The following SLC9A7 variants were observed in gnomAD, a reference collection of about 807,000 sequenced individuals.
SLC9A7 encodes sodium/hydrogen exchanger 7.
SLC9A7 carries 19 observed loss-of-function variants against 52.6 expected under a neutral mutation model. The observed-to-expected ratio is 0.36, with a 90% confidence interval of 0.25 to 0.53. The LOEUF (loss-of-function observed/expected upper bound fraction) is 0.53. Ranked by LOEUF, SLC9A7 falls within the 20% of genes least tolerant of loss-of-function variation. The pLI is 0.91. For missense variants in SLC9A7, 455 were observed against 597.9 expected (o/e 0.76, Z 2.49); for synonymous variants, 226 against 252.1 (o/e 0.90, Z 0.98).
chrX:46,693,975 C>T (rs1944414966), intron 1 of SLC9A7, among the ~76,000 whole-genome samples: 1 of 109,863 alleles, frequency 9.1e-6, no homozygotes, highest in South Asian at 3.9e-4. Flanking sequence ...CATTTTCCCA[C>T]TTATAAGTGG....
In SLC9A7 at chrX:46,680,310, C is replaced by T. The variant is rs771957974; in HGVS notation, c.526-555G>A. 2.2e-4 allele frequency among the ~76,000 whole-genome samples: 23 copies of T among 105,755 alleles called. No homozygotes were observed. In the East Asian group the frequency reaches 6.4e-3, roughly 30 times the overall value. 91.8% of individuals were successfully genotyped at this position (105,755 alleles called of 115,157 possible). On this transcript the variant is annotated intron_variant, in intron 2 of 16. Coordinates refer to ENST00000616978, the MANE Select transcript of SLC9A7 (RefSeq NM_001257291.2). The stretch of plus-strand genomic sequence containing the variant: ...GTTGCAGTGAGCTGAGATCGCACCA[C>T]TGCACTCCAGCCTGAGCAACAGAGC...
At chrX:46,680,892 G>T (rs932348701) in intron 2 of SLC9A7, among the ~76,000 whole-genome samples, 1 of 112,141 alleles carries the variant, frequency 8.9e-6, no homozygotes, top group African/African-American at 3.2e-5. Context: ...TTAAAGATAA[G>T]AGTGTTCTGC....
Position 46,743,444 on chromosome X carries a change from A to G in SLC9A7, c.325+15261T>C, listed in dbSNP as rs1309520651. On this transcript the variant is annotated intron_variant, in intron 1 of 16. Transcript: ENST00000616978. Reference sequence around the variant, plus strand: ...CGCCTGATCAGCCCTCAATACAGAAAAGCCTGTGTCTTAAGCAAGCTTCCC... The same window carrying G: ...CGCCTGATCAGCCCTCAATACAGAAGAGCCTGTGTCTTAAGCAAGCTTCCC... Among the ~76,000 whole-genome samples, 7 of 112,113 alleles carry G rather than the reference A, an allele frequency of 6.2e-5. No homozygotes were observed. The Admixed American group carries it at 6.6e-4, about 11-fold the overall frequency.
At chrX:46,713,499 C>T (rs1222556371) in intron 1 of SLC9A7, among the ~76,000 whole-genome samples, 1 of 107,223 alleles carries the variant, frequency 9.3e-6, no homozygotes, top group East Asian at 2.9e-4. Flanking sequence ...ACAACTCCAT[C>T]TCAAAAAAAA....
At chrX:46,722,929 T>C (rs776824047) in intron 1 of SLC9A7, among the ~76,000 whole-genome samples, 3 of 112,021 alleles carry the variant, frequency 2.7e-5, no homozygotes, top group Middle Eastern at 4.6e-3. Context: ...GTGCAAAATA[T>C]GACAATGAAA....
chrX:46,642,647 T>C (rs1241296094), intron 12 of SLC9A7, among the ~76,000 whole-genome samples: 1 of 111,953 alleles, frequency 8.9e-6, no homozygotes, highest in African/African-American at 3.3e-5. Flanking sequence ...TCAAGCGCTC[T>C]TGAAAAAGTC....
intron 1 of SLC9A7, among the ~76,000 whole-genome samples, chrX:46,693,211 A>G (rs999011940): frequency 8.9e-6 from 1 of 111,858 alleles, no homozygotes; most frequent in Non-Finnish European, 1.9e-5. Flanking sequence ...TCCTATCAAA[A>G]TTCCAGCAAA....
At chrX:46,673,738 C>T (rs1944063537) in intron 3 of SLC9A7, among the ~76,000 whole-genome samples, 1 of 111,644 alleles carries the variant, frequency 9.0e-6, no homozygotes, top group African/African-American at 3.3e-5. Flanking sequence ...AGACAAAGGG[C>T]TGCAGGCGTC....
At chrX:46,627,165 T>A (rs766377428) in intron 14 of SLC9A7, among the ~76,000 whole-genome samples, 42 of 110,652 alleles carry the variant, frequency 3.8e-4, no homozygotes, top group Non-Finnish European at 5.9e-4. Context: ...ATTTTATAAA[T>A]TAGCTTGGTG....
intron 1 of SLC9A7, 146 bp downstream of exon 1, chrX:46,758,559 T>C: frequency 5.2e-6 from 2 of 381,401 alleles, no homozygotes; most frequent in Non-Finnish European, 8.9e-6. Context: ...ATGCAGACAG[T>C]TGACCTTGGG....
rs770448109 is a variant in SLC9A7, at chrX:46,710,651, C to T, written c.326-28116G>A. ...AAGAGAGAGAGAGAGAGAAGAAAGG[C>T]TGACTCCAAAAGTCAGATGATGAGA... On this transcript the variant is annotated intron_variant, in intron 1 of 16. Coordinates refer to ENST00000616978, the MANE Select transcript of SLC9A7 (RefSeq NM_001257291.2). Among the ~76,000 whole-genome samples the T allele has an allele frequency of 8.1e-5, 9 of 110,921 alleles. No homozygotes were observed. The South Asian group carries it at 3.5e-3, about 43-fold the overall frequency.
chrX:46,705,297 A>C (rs1280594811), intron 1 of SLC9A7, among the ~76,000 whole-genome samples: 5 of 112,321 alleles, frequency 4.5e-5, no homozygotes, highest in Non-Finnish European at 9.4e-5. Context: ...CTTCTGGACT[A>C]AAAAGGGGTA....
chrX:46,707,636 CCTT>C (rs948560592), intron 1 of SLC9A7, among the ~76,000 whole-genome samples: 8 of 112,342 alleles, frequency 7.1e-5, no homozygotes, highest in African/African-American at 2.6e-4. Flanking sequence ...AATAAACTGG[CCTT>C]CTCCTTAATA....
rs760928132 is a variant in SLC9A7, at chrX:46,653,661, G to C, written c.1095C>G (p.Phe365Leu). 6.8e-5 allele frequency: 82 copies of C among 1,208,785 alleles called. No homozygotes were observed. Among genetic ancestry groups the C allele is most frequent in the Non-Finnish European group, 8.9e-5 (80 of 894,703 alleles). ...HCFPLLETAL[F>L]FLMSWSTFLL... is the part of the protein sequence containing the mutation. ...GAAACGTGCTCCAGGACATGAGGAA[G>C]AACAGCGCCGTCTCCAGCAGGGGGA... Residue 365 changes from phenylalanine (F) to leucine (L), a missense_variant, in exon 8 of 17, where the codon TTC (phenylalanine) becomes TTG (leucine). Around this residue, in one of 3 missense-constraint regions of SLC9A7, gnomAD observed 304 missense variants for 417.8 expected, o/e 0.73. Coordinates refer to ENST00000616978, the MANE Select transcript of SLC9A7 (RefSeq NM_001257291.2).
Position 46,672,531 on chromosome X carries a change from T to G in SLC9A7, c.680+20A>C, listed in dbSNP as rs758962712. ...TATGGAACGTGTGTTAATTTGGTTA[T>G]ATGACAAAGGTTCACTTACCCAATA... On this transcript the variant is annotated intron_variant, in intron 4 of 16. Coordinates refer to ENST00000616978, the MANE Select transcript of SLC9A7 (RefSeq NM_001257291.2). 2 of 1,166,953 alleles carry G rather than the reference T, an allele frequency of 1.7e-6. No individual in the cohort carries two copies. Among genetic ancestry groups the G allele is most frequent in the East Asian group, 5.9e-5 (2 of 33,668 alleles).
intron 1 of SLC9A7, among the ~76,000 whole-genome samples, chrX:46,735,472 CACACA>C (rs776517879): frequency 4.5e-5 from 5 of 111,912 alleles, no homozygotes; most frequent in Non-Finnish European, 9.4e-5. Context: ...ATGCTATAAA[CACACA>C]ACACATTGTT....
At chrX:46,662,998 A>G (rs957355581) in intron 5 of SLC9A7, among the ~76,000 whole-genome samples, 8 of 112,639 alleles carry the variant, frequency 7.1e-5, no homozygotes, top group Admixed American at 1.9e-4. Context: ...CTCTGGCTCA[A>G]TAGAGCCAAG....
chrX:46,600,198 TC>T lies in SLC9A7; in HGVS notation c.*6753del, dbSNP rs1239264297. On this transcript the variant is annotated 3_prime_UTR_variant, in exon 17 of 17. Transcript: ENST00000616978. Reference sequence around the variant, plus strand: ...CACAACACAAGTCAGCCCCTAAATGTCCATGCAGTTAAGTCATCCAGTAACA... The same window carrying T: ...CACAACACAAGTCAGCCCCTAAATGTCATGCAGTTAAGTCATCCAGTAACA... The T allele has an allele frequency of 3.6e-5, 4 of 112,176 alleles. No individual in the cohort carries two copies. The highest frequency in any genetic ancestry group is 1.3e-4 in the African/African-American group (4 of 30,883). 9.2% of individuals were successfully genotyped at this position (112,176 alleles called of 1,213,427 possible).
At chrX:46,657,453 T>C (rs1209238623) in intron 7 of SLC9A7, among the ~76,000 whole-genome samples, 1 of 110,328 alleles carries the variant, frequency 9.1e-6, no homozygotes, top group Non-Finnish European at 1.9e-5. Flanking sequence ...TCAAGACCCA[T>C]CAGTGTGCTG....
Sources: gnomAD v4.1 joint callset for allele counts (sites outside exome capture counted in the v4.1 genomes callset) on GRCh38, gnomAD v4.1.1 for gene constraint, gnomAD v4.1.1 regional missense constraint, MANE v1.5 for transcripts, NCBI Gene and HGNC (gene_info 2026-07-23, HGNC 2026-07-21) for gene names.